Variants in C12orf42 observed in about 807,000 individuals in gnomAD.
C12orf42 encodes uncharacterized protein C12orf42.
A neutral mutation model predicts 21.6 loss-of-function variants in C12orf42; 25 were observed. The observed-to-expected ratio is 1.16, with a 90% CI of 0.84 to 1.62. The LOEUF (loss-of-function observed/expected upper bound fraction) is 1.62. Ranked by LOEUF, C12orf42 falls within the 40% of genes most tolerant of loss-of-function variation. The pLI is 0.00. For synonymous variants in C12orf42, 174 were observed against 175.0 expected (o/e 0.99, Z 0.05); for missense variants, 483 against 459.3 (o/e 1.05, Z -0.47).
intron 4 of C12orf42, among the ~76,000 whole-genome samples, chr12:103,329,810 C>G (rs893069830): frequency 2.0e-5 from 3 of 151,714 alleles, no homozygotes; most frequent in African/African-American, 7.3e-5. Context: ...TTCCAGCTTT[C>G]CCCCTTTCTA....
intron 2 of C12orf42, among the ~76,000 whole-genome samples, chr12:103,416,871 T>C (rs1402180420): frequency 6.6e-6 from 1 of 152,166 alleles, no homozygotes; most frequent in Admixed American, 6.5e-5. Context: ...GAGTTAAATG[T>C]TTGTTTTTAC....
the C12orf42 span, chr12:103,168,030 C>T: frequency 4.4e-6 from 2 of 455,488 alleles, no homozygotes; most frequent in Non-Finnish European, 8.8e-6. Flanking sequence ...ACATGCATCT[C>T]TTTATAGGTG....
chr12:103,148,282 C>T, the C12orf42 span, among the ~76,000 whole-genome samples: 1 of 152,130 alleles, frequency 6.6e-6, no homozygotes, highest in Non-Finnish European at 1.5e-5. Context: ...TATTATATTT[C>T]TCACTCTATG....
intron 2 of C12orf42, among the ~76,000 whole-genome samples, chr12:103,459,222 G>A (rs984923433): frequency 2.6e-5 from 4 of 152,166 alleles, no homozygotes; most frequent in Non-Finnish European, 5.9e-5. Flanking sequence ...GAGAAGCAAG[G>A]CCTCACCACA....
chr12:103,432,169 T>A (rs1204214034), intron 2 of C12orf42, among the ~76,000 whole-genome samples: 6 of 152,196 alleles, frequency 3.9e-5, no homozygotes, highest in African/African-American at 1.4e-4. Flanking sequence ...ACCAGTCAAG[T>A]GTTCCTATAA....
At chr12:103,471,243 C>T (rs570832218) in intron 2 of C12orf42, among the ~76,000 whole-genome samples, 1 of 152,152 alleles carries the variant, frequency 6.6e-6, no homozygotes, top group South Asian at 2.1e-4. Context: ...TTCATGGTTG[C>T]ATTGAAAAAG....
the C12orf42 span, chr12:103,162,753 G>A: frequency 6.6e-6 from 1 of 152,156 alleles, no homozygotes; most frequent in South Asian, 2.1e-4. Context: ...CCACAATATT[G>A]AACCACCATT....
the C12orf42 span, among the ~76,000 whole-genome samples, chr12:103,154,009 T>A: frequency 2.6e-4 from 23 of 87,292 alleles, no homozygotes; most frequent in Non-Finnish European, 3.6e-4. Flanking sequence ...CATACAAGAG[T>A]GTGGACAAAT....
exon 11 of C12orf42, chr12:103,237,628 A>G (rs1201027488): frequency 1.3e-5 from 2 of 152,194 alleles, no homozygotes; most frequent in African/African-American, 4.8e-5. Context: ...TGAATCTGAA[A>G]TTTGGCAATT....
the C12orf42 span, among the ~76,000 whole-genome samples, chr12:103,222,410 G>T: frequency 6.6e-6 from 1 of 152,040 alleles, no homozygotes; most frequent in Non-Finnish European, 1.5e-5. Context: ...GGCAAGGACC[G>T]GCCATTTACA....
chr12:103,052,890 G>A, the C12orf42 span, among the ~76,000 whole-genome samples: 3 of 151,914 alleles, frequency 2.0e-5, no homozygotes, highest in Admixed American at 6.6e-5. Context: ...AAACATTACC[G>A]AACATTGAAA....
the C12orf42 span, among the ~76,000 whole-genome samples, chr12:103,535,115 G>A: frequency 6.6e-6 from 1 of 152,166 alleles, no homozygotes; most frequent in Non-Finnish European, 1.5e-5. Flanking sequence ...TCCTCTGCCA[G>A]AATGTGAGAG....
chr12:103,525,305 C>G, the C12orf42 span, among the ~76,000 whole-genome samples: 1 of 152,204 alleles, frequency 6.6e-6, no homozygotes, highest in Non-Finnish European at 1.5e-5. Context: ...AGTAGGATTA[C>G]AGACATGAGC....
chr12:103,553,765 T>C, the C12orf42 span, among the ~76,000 whole-genome samples: 2 of 152,070 alleles, frequency 1.3e-5, no homozygotes, highest in Admixed American at 6.6e-5. Flanking sequence ...GTTCCTATGA[T>C]CAGTGAAGTT....
At chr12:103,503,996 GA>G in the C12orf42 span, 2 of 153,646 alleles carry the variant, frequency 1.3e-5, no homozygotes, top group Non-Finnish European at 2.9e-5. Flanking sequence ...AGCAGTGGCA[GA>G]AGTATTAGGT....
At chr12:103,111,229 C>T in the C12orf42 span, among the ~76,000 whole-genome samples, 1 of 151,976 alleles carries the variant, frequency 6.6e-6, no homozygotes, top group Non-Finnish European at 1.5e-5. Context: ...CACTTGTTCT[C>T]TTTGATTTTG....
At chr12:103,214,118 C>T in the C12orf42 span, among the ~76,000 whole-genome samples, 1 of 152,200 alleles carries the variant, frequency 6.6e-6, no homozygotes, top group African/African-American at 2.4e-5. Flanking sequence ...GGTGGCTTAA[C>T]TTGAATACTG....
intron 10 of C12orf42, among the ~76,000 whole-genome samples, chr12:103,241,309 C>A (rs2033731058): frequency 1.3e-5 from 2 of 152,084 alleles, no homozygotes; most frequent in South Asian, 4.1e-4. Flanking sequence ...TATTTAGATT[C>A]CATTTTAGTG....
the C12orf42 span, chr12:103,558,437 C>G: frequency 6.6e-6 from 1 of 152,274 alleles, no homozygotes; most frequent in East Asian, 1.9e-4. Context: ...TCCAGCCTGT[C>G]CAGGCCTTTG....
Sources: allele counts gnomAD v4.1 joint callset (sites outside exome capture counted in the v4.1 genomes callset), GRCh38; gene constraint gnomAD v4.1.1; transcripts MANE v1.5; gene names NCBI Gene and HGNC (gene_info 2026-07-23, HGNC 2026-07-21).